NDUFA9: variants seen among roughly 807,000 people sequenced by gnomAD.
NDUFA9 encodes the protein NADH dehydrogenase [ubiquinone] 1 alpha subcomplex subunit 9, mitochondrial.
A neutral mutation model predicts 45.9 loss-of-function variants in NDUFA9; 23 were observed. That is an observed-to-expected ratio of 0.50 (90% confidence interval 0.36 to 0.71). The LOEUF is 0.71. NDUFA9 is among the 30% of genes least tolerant of loss of function. The probability of loss-of-function intolerance (pLI) is 0.00; values close to 1 mark genes in which losing one functional copy is unlikely to be tolerated. For synonymous variants in NDUFA9, 176 were observed against 170.5 expected, an observed-to-expected ratio of 1.03 and a Z score of -0.25; for missense variants, 466 against 488.2, an observed-to-expected ratio of 0.95 and a Z score of 0.43.
At chr12:4,676,854 G>A (rs1644779540) in intron 8 of NDUFA9, among the ~76,000 whole-genome samples, 1 of 152,110 alleles carries the variant, frequency 6.6e-6, no homozygotes, top group South Asian at 2.1e-4. Context: ...ACAATCCTAA[G>A]CAAAAAGAAC....
intron 8 of NDUFA9, among the ~76,000 whole-genome samples, chr12:4,677,888 C>T (rs1255933557): frequency 6.6e-6 from 1 of 152,172 alleles, no homozygotes; most frequent in African/African-American, 2.4e-5. Flanking sequence ...GGAACCAACC[C>T]AGATGCCCAT....
intron 3 of NDUFA9, chr12:4,655,508 T>C (rs899411313): frequency 6.6e-6 from 1 of 152,268 alleles, no homozygotes; most frequent in Non-Finnish European, 1.5e-5. Flanking sequence ...TTGTTACATA[T>C]TAAAATAATA....
Position 4,688,911 on chromosome 12 carries a change from A to G in NDUFA9, c.*1803A>G, listed in dbSNP as rs1946003295. ...GGATTTAATTTGAAAAGGAACTATA[A>G]TTCTATAATGCACAGTGTCCTCTCT... On this transcript the variant is annotated 3_prime_UTR_variant, in exon 11 of 11. Coordinates refer to ENST00000266544, the MANE Select transcript of NDUFA9 (RefSeq NM_005002.5). The G allele has an allele frequency of 6.6e-6, 1 of 152,216 alleles. No homozygotes were observed. Among genetic ancestry groups the G allele is most frequent in the South Asian group, 2.1e-4 (1 of 4,832 alleles). 9.4% of individuals were successfully genotyped at this position (152,216 alleles called of 1,614,324 possible).
rs111443474 is a variant in NDUFA9, at chr12:4,689,454, G to T, written c.*2346G>T. Reference sequence around the variant, plus strand: ...TAGGCAGAGGACCCTGCGGCCTTCCGCAGTGTTTGTGTCCCTGGGTACTTG... The same window carrying T: ...TAGGCAGAGGACCCTGCGGCCTTCCTCAGTGTTTGTGTCCCTGGGTACTTG... On this transcript the variant is annotated 3_prime_UTR_variant, in exon 11 of 11. Transcript: ENST00000266544. 1,256 of 153,440 alleles carry T rather than the reference G, an allele frequency of 8.2e-3. 20 individuals are homozygous for T. Among genetic ancestry groups the T allele is most frequent in the African/African-American group, 0.028 (1,172 of 41,454 alleles). The allele number at this position is 153,440 out of a possible 1,614,324, so 9.5% of individuals were successfully genotyped here. A position where few individuals can be genotyped will look rare whatever the true frequency, so the allele number is the denominator to read the frequency against.
intron 8 of NDUFA9, among the ~76,000 whole-genome samples, chr12:4,680,651 G>A (rs1006975230): frequency 6.6e-6 from 1 of 152,172 alleles, no homozygotes; most frequent in Admixed American, 6.5e-5. Context: ...TGTATTATAT[G>A]TCCTGTAATG....
In NDUFA9 at chr12:4,651,884, G is replaced by A. The variant is rs1304492465; in HGVS notation, c.50-2408G>A. 3.9e-5 allele frequency among the ~76,000 whole-genome samples: 6 copies of A among 152,170 alleles called. No individual in the cohort carries two copies. The East Asian group carries it at 7.7e-4, about 20-fold the overall frequency. On this transcript the variant is annotated intron_variant, in intron 1 of 10. Transcript: ENST00000266544. ...TGCCTGCCACTGAGCAATGGAGAAC[G>A]GGGCTAGGGAAAACTTCAGACTAAC...
intron 8 of NDUFA9, 58 bp from the exon 9 acceptor site, chr12:4,682,147 T>A (rs942325205): frequency 1.5e-6 from 2 of 1,291,166 alleles, no homozygotes; most frequent in Non-Finnish European, 2.2e-6. Flanking sequence ...TATTTTGTTA[T>A]AAAGGAAACT....
rs915279500 is a variant in NDUFA9, at chr12:4,682,340, C to T, written c.896+40C>T. 6 of 1,425,856 alleles carry T rather than the reference C, an allele frequency of 4.2e-6. No individual in the cohort carries two copies. In the African/African-American group the frequency reaches 7.1e-5, roughly 17 times the overall value. The allele number at this position is 1,425,856 out of a possible 1,614,324, so 88.3% of individuals were successfully genotyped here. A position where few individuals can be genotyped will look rare whatever the true frequency, so the allele number is the denominator to read the frequency against. The stretch of plus-strand genomic sequence containing the variant: ...CCTTTTGTGTGACTTCTGAAAAAGC[C>T]AGCTCCACACACTTGTTCCTAATGT... On this transcript the variant is annotated intron_variant, in intron 9 of 10. Coordinates refer to ENST00000266544, the MANE Select transcript of NDUFA9 (RefSeq NM_005002.5).
Position 4,687,102 on chromosome 12 carries a change from C to T in NDUFA9, c.1128C>T (p.Asn376=). 1.2e-6 allele frequency: 2 copies of T among 1,614,140 alleles called. No homozygotes were observed. Among genetic ancestry groups the T allele is most frequent in the South Asian group, 2.2e-5 (2 of 91,048 alleles). ...ATGTGAAGCCGGCCAAGACCGTCAA[C>T]ATTTAGTGCCTCCTGAGCAGCTCTT... ...IEDVKPAKTV[N]I Residue 376 remains asparagine, a synonymous_variant, in exon 11 of 11, where the codon AAC becomes AAT. Transcript: ENST00000266544.
intron 6 of NDUFA9, among the ~76,000 whole-genome samples, chr12:4,667,829 G>GT (rs892511775): frequency 3.2e-5 from 4 of 125,024 alleles, no homozygotes; most frequent in South Asian, 3.1e-4. Flanking sequence ...CTCTTAAATG[G>GT]TTTAAAAAAA....
chr12:4,649,731 C>T (rs1945744744), intron 1 of NDUFA9, among the ~76,000 whole-genome samples: 3 of 152,012 alleles, frequency 2.0e-5, no homozygotes, highest in African/African-American at 4.8e-5. Context: ...ATGTGTTCGG[C>T]AAAGTGCGTT....
At position 4,660,411 on chromosome 12, in the gene NDUFA9, A is replaced by G. The variant is rs149218271; in HGVS notation, c.552+1234A>G. ...TCAGGTGCATTTCAGATGTGTGTCA[A>G]TCTTCCAAGTAACTGGTATATAGGG... On this transcript the variant is annotated intron_variant, in intron 5 of 10. Transcript: ENST00000266544. Among the ~76,000 whole-genome samples, 62 of 152,314 alleles carry G rather than the reference A, an allele frequency of 4.1e-4. 1 individual carries two copies. In the East Asian group the frequency reaches 8.5e-3, roughly 21 times the overall value.
chr12:4,664,469 G>A (rs911779918), intron 6 of NDUFA9, among the ~76,000 whole-genome samples: 2 of 152,244 alleles, frequency 1.3e-5, no homozygotes, highest in African/African-American at 2.4e-5. Context: ...CCCAAAAGGG[G>A]TTCAGAGATG....
At position 4,662,407 on chromosome 12, in the gene NDUFA9, A is replaced by G. The variant is rs1303810032; in HGVS notation, c.553-126A>G. 4.2e-6 allele frequency: 3 copies of G among 706,894 alleles called. No homozygotes were observed. In the African/African-American group the frequency reaches 5.4e-5, roughly 13 times the overall value. 43.8% of individuals were successfully genotyped at this position (706,894 alleles called of 1,614,324 possible). On this transcript the variant is annotated intron_variant, in intron 5 of 10. Coordinates refer to ENST00000266544, the MANE Select transcript of NDUFA9 (RefSeq NM_005002.5). Reference sequence around the variant, plus strand: ...TGTGTAACTGAGTTTTATGAATTACATGATTACCTTTATCTGGAGGAAAAT... The same window carrying G: ...TGTGTAACTGAGTTTTATGAATTACGTGATTACCTTTATCTGGAGGAAAAT...
intron 3 of NDUFA9, chr12:4,655,748 A>G (rs1021182419): frequency 6.6e-6 from 1 of 152,206 alleles, no homozygotes; most frequent in Non-Finnish European, 1.5e-5. Flanking sequence ...TTAGGGCAGT[A>G]GTTGCCAATG....
At chr12:4,664,715 T>G (rs987179658) in intron 6 of NDUFA9, among the ~76,000 whole-genome samples, 1 of 152,174 alleles carries the variant, frequency 6.6e-6, no homozygotes, top group Non-Finnish European at 1.5e-5. Context: ...ACCGCTTCAG[T>G]GGGTCCTGAA....
intron 5 of NDUFA9, among the ~76,000 whole-genome samples, chr12:4,659,933 A>G (rs773460402): frequency 6.6e-6 from 1 of 152,198 alleles, no homozygotes; most frequent in Non-Finnish European, 1.5e-5. Context: ...TGTGTTAAGC[A>G]CTGTGGCTAC....
At position 4,669,817 on chromosome 12, in the gene NDUFA9, G is replaced by T. The variant is rs778470683; in HGVS notation, c.800G>T (p.Gly267Val). The part of the protein sequence containing the change: ...DANGKSFAFV[G>V]PSRYLLFHLV... ...AATGGGAAATCCTTTGCTTTCGTTG[G>T]GTAAGTGCTTAGAGTTTGAATTTTA... The change falls in exon 8 of 11, where the codon GGT becomes GTT. Residue 267 changes from glycine to valine, a missense_variant and splice_region_variant. By Grantham distance (109) the Gly-to-Val change is moderately radical (BLOSUM62 -3). Coordinates refer to ENST00000266544, the MANE Select transcript of NDUFA9 (RefSeq NM_005002.5). 6.2e-7 allele frequency: 1 copy of T among 1,607,088 alleles called. No homozygotes were observed. The highest frequency in any genetic ancestry group is 8.5e-7 in the Non-Finnish European group (1 of 1,173,870).
intron 3 of NDUFA9, among the ~76,000 whole-genome samples, chr12:4,656,612 G>A (rs935766470): frequency 3.3e-5 from 5 of 152,240 alleles, no homozygotes; most frequent in African/African-American, 1.2e-4. Context: ...TGCATCTGCT[G>A]TCTGAATGTC....
Sources: allele counts gnomAD v4.1 joint callset (sites outside exome capture counted in the v4.1 genomes callset), GRCh38; gene constraint gnomAD v4.1.1; transcripts MANE v1.5; gene names NCBI Gene and HGNC (gene_info 2026-07-23, HGNC 2026-07-21).